AEBP2: variants seen among roughly 807,000 people sequenced by gnomAD.
AEBP2 encodes the protein AE binding protein 2.
A neutral mutation model predicts 50.8 loss-of-function variants in AEBP2; 10 were observed. The ratio of observed to expected loss-of-function variants is 0.20; its 90% confidence interval spans 0.12 to 0.33. The LOEUF is 0.33. AEBP2 is among the 10% of genes least tolerant of loss of function. AEBP2 has a pLI of 1.00. For missense variants in AEBP2, 570 were observed against 688.0 expected, an observed-to-expected ratio of 0.83 and a Z score of 1.92; for synonymous variants, 296 against 261.3, an observed-to-expected ratio of 1.13 and a Z score of -1.28.
chr12:19,445,489 T>A (rs1464022359), intron 1 of AEBP2, among the ~76,000 whole-genome samples: 3 of 152,034 alleles, frequency 2.0e-5, no homozygotes, highest in Non-Finnish European at 4.4e-5. Flanking sequence ...GCCGGGATTA[T>A]GGGCATGAGC....
At chr12:19,429,883 T>C (rs1300843261) in intron 1 of AEBP2, among the ~76,000 whole-genome samples, 2 of 152,172 alleles carry the variant, frequency 1.3e-5, no homozygotes, top group Non-Finnish European at 2.9e-5. Context: ...ATTAGCCCTT[T>C]GTCAGATGAG....
chr12:19,457,679 C>T (rs1299300478), intron 1 of AEBP2: 1 of 1,293,746 alleles, frequency 7.7e-7, no homozygotes, highest in Admixed American at 2.7e-5. Context: ...TTCACAACAC[C>T]TGTGTTCTGG....
At chr12:19,463,007 C>T (rs920907953) in intron 2 of AEBP2, among the ~76,000 whole-genome samples, 2 of 152,104 alleles carry the variant, frequency 1.3e-5, no homozygotes, top group Admixed American at 6.6e-5. Context: ...TTCCAGGGTT[C>T]TGATGTTTTG....
At chr12:19,509,046 T>C (rs953649462) in intron 5 of AEBP2, 6 of 592,288 alleles carry the variant, frequency 1.0e-5, no homozygotes, top group Non-Finnish European at 1.9e-5. Context: ...GCATGTGGCA[T>C]GTGCCCAGGC....
intron 1 of AEBP2, among the ~76,000 whole-genome samples, chr12:19,452,305 C>A (rs1948177313): frequency 6.6e-6 from 1 of 151,642 alleles, no homozygotes. Flanking sequence ...AAGTGGCCAT[C>A]TTTAAAAAAA....
chr12:19,436,865 G>T (rs2153365566), upstream of AEBP2, among the ~76,000 whole-genome samples: 1 of 152,216 alleles, frequency 6.6e-6, no homozygotes, highest in Non-Finnish European at 1.5e-5. Context: ...TTCCCAAAGT[G>T]CTGGGATTAC....
intron 1 of AEBP2, among the ~76,000 whole-genome samples, chr12:19,444,125 G>A (rs1948015908): frequency 6.6e-6 from 1 of 151,862 alleles, no homozygotes; most frequent in South Asian, 2.1e-4. Context: ...TATGCTCTTA[G>A]GTTAATTTCA....
chr12:19,485,744 T>G (rs981366758), intron 3 of AEBP2, among the ~76,000 whole-genome samples: 3 of 148,802 alleles, frequency 2.0e-5, no homozygotes, highest in Non-Finnish European at 4.5e-5. Flanking sequence ...GCCTCTATAC[T>G]CAGGGAACTT....
intron 7 of AEBP2, 133 bp downstream of exon 7, chr12:19,514,917 T>C (rs1314111985): frequency 1.5e-6 from 1 of 673,620 alleles, no homozygotes; most frequent in South Asian, 1.9e-5. Context: ...CCTGGCTTTT[T>C]TTTTTTTGGA....
At chr12:19,405,729 C>T (rs1408164279) in intron 1 of AEBP2, among the ~76,000 whole-genome samples, 1 of 152,112 alleles carries the variant, frequency 6.6e-6, no homozygotes, top group African/African-American at 2.4e-5. Context: ...GTTCCTGCTT[C>T]GTCTCACACC....
At chr12:19,518,030 G>T in intron 7 of AEBP2, 57 bp from the exon 8 acceptor site, 1 of 1,469,002 alleles carries the variant, frequency 6.8e-7, no homozygotes, top group South Asian at 1.3e-5. Flanking sequence ...GTCTCTTGAA[G>T]CACTCAAATG....
intron 1 of AEBP2, among the ~76,000 whole-genome samples, chr12:19,404,593 C>T (rs2095735097): frequency 6.6e-6 from 1 of 152,178 alleles, no homozygotes; most frequent in Non-Finnish European, 1.5e-5. Flanking sequence ...CACGCTAACA[C>T]CGGCTCCTAT....
chr12:19,425,694 C>G (rs1420676844), intron 1 of AEBP2, among the ~76,000 whole-genome samples: 1 of 150,684 alleles, frequency 6.6e-6, no homozygotes, highest in Non-Finnish European at 1.5e-5. Flanking sequence ...AATCACTTGA[C>G]CTGGGAGGTG....
intron 4 of AEBP2, among the ~76,000 whole-genome samples, chr12:19,496,876 G>A (rs1948990518): frequency 6.6e-6 from 1 of 151,666 alleles, no homozygotes; most frequent in East Asian, 1.9e-4. Flanking sequence ...TTTTTGACCA[G>A]GCTGGTCTTG....
chr12:19,439,979 G>T lies in AEBP2; in HGVS notation c.280G>T (p.Gly94Trp). 1 of 1,524,174 alleles carries T rather than the reference G, an allele frequency of 6.6e-7. No homozygotes were observed. Among genetic ancestry groups the T allele is most frequent in the East Asian group, 2.6e-5 (1 of 38,338 alleles). 94.4% of individuals were successfully genotyped at this position (1,524,174 alleles called of 1,614,324 possible). A position where few individuals can be genotyped will look rare whatever the true frequency, so the allele number is the denominator to read the frequency against. Reference protein sequence around the residue: ...EPSPESASQAGEDEDEEEDDE... With the variant: ...EPSPESASQAWEDEDEEEDDE... Reference sequence around the variant, plus strand: ...GAGCCCCGAGAGCGCCAGCCAGGCCGGGGAGGACGAAGACGAGGAGGAGGA... The same window carrying T: ...GAGCCCCGAGAGCGCCAGCCAGGCCTGGGAGGACGAAGACGAGGAGGAGGA... Residue 94 changes from glycine (G) to tryptophan (W), a missense_variant, in exon 1 of 8, where the codon GGG (glycine) becomes TGG (tryptophan). Gly to Trp is a radical substitution (Grantham distance 184, BLOSUM62 -2). This residue lies in a region of AEBP2 where 386 missense variants were observed against 336.8 expected (regional missense o/e 1.15). Transcript: ENST00000266508.
chr12:19,508,197 C>CT (rs899619080), intron 5 of AEBP2, among the ~76,000 whole-genome samples: 4 of 152,006 alleles, frequency 2.6e-5, no homozygotes, highest in Admixed American at 6.6e-5. Context: ...TGACTACAGA[C>CT]TTTTTTTGTT....
chr12:19,466,539 C>T (rs761567048), intron 2 of AEBP2, among the ~76,000 whole-genome samples: 4 of 152,310 alleles, frequency 2.6e-5, no homozygotes, highest in African/African-American at 9.6e-5. Context: ...CGCTCTCTGT[C>T]TCCAGAACTT....
intron 3 of AEBP2, among the ~76,000 whole-genome samples, chr12:19,473,706 G>A (rs1017223828): frequency 2.0e-5 from 3 of 152,104 alleles, no homozygotes; most frequent in Non-Finnish European, 4.4e-5. Context: ...GCGCCTGGCT[G>A]TTTTTTCTTT....
intron 1 of AEBP2, among the ~76,000 whole-genome samples, chr12:19,423,290 C>T (rs1026163609): frequency 2.0e-5 from 3 of 152,044 alleles, no homozygotes; most frequent in Non-Finnish European, 2.9e-5. Context: ...GTTCATCCCT[C>T]CCCATTGCCT....
Sources: allele counts gnomAD v4.1 joint callset (sites outside exome capture counted in the v4.1 genomes callset), GRCh38; gene constraint gnomAD v4.1.1; regional missense constraint gnomAD v4.1.1; transcripts MANE v1.5; gene names NCBI Gene and HGNC (gene_info 2026-07-23, HGNC 2026-07-21).